Variants in PCNT observed in about 807,000 individuals in gnomAD.
PCNT encodes the protein pericentrin, also known as kendrin.
PCNT carries 319 observed loss-of-function variants against 380.4 expected under a neutral mutation model. That is an observed-to-expected ratio of 0.84 (90% CI 0.77 to 0.92). PCNT has a LOEUF of 0.92. PCNT is among the 40% of genes least tolerant of loss of function. The pLI, the probability that PCNT is intolerant of heterozygous loss-of-function variation, is 0.00. For synonymous variants in PCNT, 1,845 were observed against 1,735.2 expected (o/e 1.06, Z -1.57); for missense variants, 4,400 against 4,255.3 (o/e 1.03, Z -0.95).
intron 27 of PCNT, 67 bp from the exon 28 acceptor site, chr21:46,411,122 G>T: frequency 6.9e-7 from 1 of 1,453,052 alleles, no homozygotes; most frequent in South Asian, 1.1e-5. Flanking sequence ...GATGTAACGT[G>T]CCCTGAAGTA....
chr21:46,353,921 A>T (rs1199886849), intron 10 of PCNT, 66 bp from the exon 11 acceptor site: 1 of 1,370,278 alleles, frequency 7.3e-7, no homozygotes, highest in Admixed American at 1.8e-5. Flanking sequence ...GGTCCTGGGG[A>T]GGGAATGGCG....
intron 41 of PCNT, 116 bp from the exon 42 acceptor site, chr21:46,439,967 G>A: frequency 1.1e-5 from 14 of 1,230,182 alleles, no homozygotes; most frequent in Admixed American, 5.1e-5. Flanking sequence ...GGTGTGGTGT[G>A]GTCAGCCTGG....
intron 7 of PCNT, 28 bp from the exon 8 acceptor site, chr21:46,349,656 A>T (rs756704185): frequency 6.2e-7 from 1 of 1,611,788 alleles, no homozygotes; most frequent in African/African-American, 1.3e-5. Context: ...TGTCTTGTAA[A>T]CCAAGTGCCA....
At chr21:46,391,431 GC>G in intron 21 of PCNT, 55 bp downstream of exon 21, 1 of 1,409,970 alleles carries the variant, frequency 7.1e-7, no homozygotes, top group Non-Finnish European at 9.7e-7. Context: ...GGATACAGCT[GC>G]CACGGTTTCC....
At chr21:46,358,799 T>A (rs2084576000) in intron 13 of PCNT, among the ~76,000 whole-genome samples, 1 of 151,222 alleles carries the variant, frequency 6.6e-6, no homozygotes, top group African/African-American at 2.4e-5. Context: ...TAATTTTTTT[T>A]ATTTTTTTTT....
intron 27 of PCNT, among the ~76,000 whole-genome samples, chr21:46,407,057 A>C (rs1248456788): frequency 1.3e-5 from 2 of 152,204 alleles, no homozygotes; most frequent in African/African-American, 4.8e-5. Flanking sequence ...CTTTGTATGA[A>C]GGTTATGTTA....
rs760903387 is a variant in PCNT at position 46,347,010 on chromosome 21, C to T, written c.976+12C>T. 5 of 1,591,030 alleles carry T rather than the reference C, an allele frequency of 3.1e-6. No homozygotes were observed. The East Asian group carries it at 1.1e-4, about 36-fold the overall frequency. ...TGGACAGGAAGCAGGTACTGCATGG[C>T]TAGGCGGGCACGGGCAGCGTGTGGG... On this transcript the variant is annotated intron_variant, in intron 5 of 46. Transcript: ENST00000359568.
intron 2 of PCNT, among the ~76,000 whole-genome samples, chr21:46,329,975 T>A (rs1222224479): frequency 2.6e-5 from 4 of 152,174 alleles, no homozygotes; most frequent in Non-Finnish European, 4.4e-5. Flanking sequence ...AGCAGAGACA[T>A]ACCTCCTCTT....
chr21:46,370,960 G>A (rs931851051), intron 15 of PCNT, among the ~76,000 whole-genome samples: 11 of 152,284 alleles, frequency 7.2e-5, no homozygotes, highest in African/African-American at 2.2e-4. Context: ...GTGTGAACCC[G>A]GGAGGCGGAG....
At chr21:46,340,907 G>A (rs372089577) in intron 3 of PCNT, among the ~76,000 whole-genome samples, 4 of 151,768 alleles carry the variant, frequency 2.6e-5, no homozygotes, top group Admixed American at 6.6e-5. Flanking sequence ...CTCTTGAGAC[G>A]AAGTCTCACT....
At chr21:46,337,434 C>T (rs996848970) in intron 3 of PCNT, among the ~76,000 whole-genome samples, 2 of 152,156 alleles carry the variant, frequency 1.3e-5, no homozygotes, top group East Asian at 3.9e-4. Flanking sequence ...AACTGTTTTC[C>T]AAGGTTACTC....
chr21:46,325,334 G>T (rs1332246830), intron 1 of PCNT: 8 of 427,826 alleles, frequency 1.9e-5, no homozygotes, highest in Non-Finnish European at 2.5e-5. Context: ...AGGAGGGGAA[G>T]GGGAGCCCGG....
intron 27 of PCNT, among the ~76,000 whole-genome samples, chr21:46,403,796 G>A (rs1454602829): frequency 1.2e-4 from 17 of 147,004 alleles, no homozygotes; most frequent in East Asian, 2.1e-4. Context: ...AGAATTGTGT[G>A]TGTGGTGCCC....
chr21:46,428,526 G>C lies in PCNT; in HGVS notation c.7626G>C (p.Leu2542Phe). ...HLQNQEKLQH[L>F]RTALTSAEAR... ...AGAACCAGGAGAAGCTGCAGCACTT[G>C]CGCACGGCGCTGACAAGCGCAGAGG... Residue 2542 changes from leucine to phenylalanine, a missense_variant, in exon 35 of 47, where the codon TTG (leucine) becomes TTC (phenylalanine). Coordinates refer to ENST00000359568, the MANE Select transcript of PCNT (RefSeq NM_006031.6). 6.2e-7 allele frequency: 1 copy of C among 1,611,070 alleles called. No individual in the cohort carries two copies. The highest frequency in any genetic ancestry group is 8.5e-7 in the Non-Finnish European group (1 of 1,179,692).
Position 46,363,570 on chromosome 21 carries a change from GA to G in PCNT, c.2248del (p.Thr750ArgfsTer6). On this transcript the variant is annotated frameshift_variant, in exon 14 of 47. Coordinates refer to ENST00000359568, the MANE Select transcript of PCNT (RefSeq NM_006031.6). LOFTEE classifies it high-confidence loss of function. ...GATGAAACAGGAATTCCAAAGAAAA[GA>G]AACGGACTGGAAAGTTATGAAGGAG... ...ELMKQEFQRKETDWKVMKEEL... is the reference protein window; with the variant it reads ...ELMKQEFQRKXTDWKVMKEEL... 1 of 1,614,138 alleles carries G rather than the reference GA, an allele frequency of 6.2e-7. No homozygotes were observed. Among genetic ancestry groups the G allele is most frequent in the Non-Finnish European group, 8.5e-7 (1 of 1,180,014 alleles).
intron 31 of PCNT, 99 bp downstream of exon 31, chr21:46,418,405 T>A: frequency 1.3e-6 from 1 of 786,320 alleles, no homozygotes. Context: ...GTTCTGCGTC[T>A]GCCCCCCGCT....
intron 2 of PCNT, among the ~76,000 whole-genome samples, chr21:46,330,264 T>G (rs550079139): frequency 6.6e-6 from 1 of 152,080 alleles, no homozygotes; most frequent in African/African-American, 2.4e-5. Flanking sequence ...ACTACAGGCA[T>G]GTGCCACCAT....
Position 46,388,599 on chromosome 21 carries a change from G to A in PCNT, c.3465-143G>A. The A allele has an allele frequency of 9.7e-7, 1 of 1,028,326 alleles. No homozygotes were observed. The highest frequency in any genetic ancestry group is 1.3e-5 in the South Asian group (1 of 76,826). 63.7% of individuals were successfully genotyped at this position (1,028,326 alleles called of 1,614,324 possible). ...CAGCTTCCTGTGCTCACATGGGCAT[G>A]AGGATCATGTCTTCCGGCCCCGTGG... On this transcript the variant is annotated intron_variant, in intron 17 of 46. Coordinates refer to ENST00000359568, the MANE Select transcript of PCNT (RefSeq NM_006031.6). This position sits in a 1 kb window ranked among gnomAD's most constrained non-coding sequence, Gnocchi z 4.2.
chr21:46,435,829 A>G (rs879472639), intron 38 of PCNT, 75 bp from the exon 39 acceptor site: 149 of 1,581,514 alleles, frequency 9.4e-5, no homozygotes, highest in Non-Finnish European at 1.2e-4. Flanking sequence ...GGCATGAACC[A>G]CCGCGCCCGG....
Sources: allele counts gnomAD v4.1 joint callset (sites outside exome capture counted in the v4.1 genomes callset), GRCh38; gene constraint gnomAD v4.1.1; non-coding constraint Gnocchi (gnomAD v3.1); transcripts MANE v1.5; gene names NCBI Gene and HGNC (gene_info 2026-07-23, HGNC 2026-07-21).